The following ZRANB3 variants were observed in gnomAD, a reference collection of about 807,000 sequenced individuals.
ZRANB3 encodes the protein zinc finger RANBP2-type containing 3, also known as DNA annealing helicase and endonuclease ZRANB3.
In ZRANB3, 125 loss-of-function variants were observed where a neutral mutation model predicts 133.8. That is an observed-to-expected ratio of 0.93 (90% confidence interval 0.81 to 1.08). The LOEUF is 1.08. Ranked by LOEUF, ZRANB3 falls within the 50% of genes least tolerant of loss-of-function variation. The probability of loss-of-function intolerance (pLI) is 0.00; values close to 1 mark genes in which losing one functional copy is unlikely to be tolerated. For missense variants in ZRANB3, 1,229 were observed against 1,275.5 expected, an observed-to-expected ratio of 0.96 and a Z score of 0.56; for synonymous variants, 387 against 432.7, an observed-to-expected ratio of 0.89 and a Z score of 1.31.
chr2:135,239,194 G>A (rs1350278063), intron 12 of ZRANB3, among the ~76,000 whole-genome samples: 1 of 152,026 alleles, frequency 6.6e-6, no homozygotes, highest in Non-Finnish European at 1.5e-5. Context: ...ATATAAGAAA[G>A]AATTATAAAA....
chr2:135,277,681 T>C (rs1680905010), intron 8 of ZRANB3, among the ~76,000 whole-genome samples: 1 of 152,094 alleles, frequency 6.6e-6, no homozygotes, highest in African/African-American at 2.4e-5. Context: ...TCCAAGCACT[T>C]TGGGAAGCCA....
At position 135,217,088 on chromosome 2, in the gene ZRANB3, C is replaced by T. The variant is rs189317792; in HGVS notation, c.2495+377G>A. ...CCCTTGCTGCACAGCATCATACTCA[C>T]GCACAGCAGGGCAAAGCAGATGGGG... On this transcript the variant is annotated intron_variant, in intron 17 of 20. Transcript: ENST00000264159. Among the ~76,000 whole-genome samples, 91 of 152,304 alleles carry T rather than the reference C, an allele frequency of 6.0e-4. 9 individuals carry two copies. In the Middle Eastern group the frequency reaches 0.11, roughly 189 times the overall value.
intron 11 of ZRANB3, among the ~76,000 whole-genome samples, chr2:135,266,046 T>C (rs1204491009): frequency 6.6e-6 from 1 of 151,948 alleles, no homozygotes; most frequent in Admixed American, 6.6e-5. Context: ...CCATCTCTAC[T>C]AAAAATAGAA....
At chr2:135,488,033 T>C (rs935642790) in intron 2 of ZRANB3, among the ~76,000 whole-genome samples, 1 of 152,176 alleles carries the variant, frequency 6.6e-6, no homozygotes, top group Non-Finnish European at 1.5e-5. Context: ...ATGTATGATC[T>C]TTCCTTCTAC....
intron 2 of ZRANB3, among the ~76,000 whole-genome samples, chr2:135,408,978 A>T (rs1688179070): frequency 6.6e-6 from 1 of 152,200 alleles, no homozygotes; most frequent in Admixed American, 6.6e-5. Flanking sequence ...GTATAAAAAA[A>T]AAAGAAAAAG....
chr2:135,455,589 CTTT>C (rs929421233), intron 2 of ZRANB3, among the ~76,000 whole-genome samples: 10 of 126,472 alleles, frequency 7.9e-5, no homozygotes, highest in Admixed American at 4.8e-4. Flanking sequence ...TGATTTTTTT[CTTT>C]TTTTTTTTTT....
intron 3 of ZRANB3, among the ~76,000 whole-genome samples, chr2:135,366,684 A>G (rs1685953614): frequency 6.6e-6 from 1 of 152,138 alleles, no homozygotes; most frequent in Non-Finnish European, 1.5e-5. Context: ...AAGAAAAAGA[A>G]AGAGAAAACT....
intron 2 of ZRANB3, among the ~76,000 whole-genome samples, chr2:135,493,385 T>C (rs981109162): frequency 6.6e-6 from 1 of 150,750 alleles, no homozygotes; most frequent in Admixed American, 6.6e-5. Flanking sequence ...GGGAAAATAT[T>C]CACAAGATAC....
intron 15 of ZRANB3, among the ~76,000 whole-genome samples, chr2:135,222,748 A>G (rs1320735626): frequency 1.3e-5 from 2 of 152,028 alleles, no homozygotes; most frequent in Admixed American, 1.3e-4. Context: ...AATTATTTTA[A>G]ATAAAAAATG....
chr2:135,346,747 C>G (rs1309377039), intron 5 of ZRANB3, among the ~76,000 whole-genome samples: 1 of 151,992 alleles, frequency 6.6e-6, no homozygotes, highest in East Asian at 1.9e-4. Context: ...ACAGGACTGT[C>G]TCACTGTTAT....
chr2:135,422,477 CT>C (rs1379573126), intron 2 of ZRANB3, among the ~76,000 whole-genome samples: 1 of 144,010 alleles, frequency 6.9e-6, no homozygotes, highest in East Asian at 2.0e-4. Context: ...TGGTATCTTT[CT>C]TTAAAAAAGG....
chr2:135,342,619 T>C (rs1470564035), intron 6 of ZRANB3, among the ~76,000 whole-genome samples: 2 of 149,492 alleles, frequency 1.3e-5, no homozygotes, highest in Non-Finnish European at 2.9e-5. Context: ...TTTTTTCTTT[T>C]TTTTTAAGTA....
At chr2:135,328,842 T>C (rs971636666) in intron 6 of ZRANB3, among the ~76,000 whole-genome samples, 7 of 152,244 alleles carry the variant, frequency 4.6e-5, no homozygotes, top group African/African-American at 1.4e-4. Flanking sequence ...CATGTGTCTG[T>C]TGGCTGCGTA....
intron 14 of ZRANB3, among the ~76,000 whole-genome samples, chr2:135,225,785 G>A (rs1291297801): frequency 1.3e-5 from 2 of 152,196 alleles, no homozygotes; most frequent in Non-Finnish European, 2.9e-5. Context: ...TATTAAAGAA[G>A]CAAATGTGTA....
At chr2:135,349,953 T>C (rs1685124170) in intron 5 of ZRANB3, 31 bp downstream of exon 5, 1 of 1,599,424 alleles carries the variant, frequency 6.3e-7, no homozygotes, top group Middle Eastern at 1.7e-4. Flanking sequence ...CCTTCTCTTC[T>C]TTTAAGTTCG....
intron 8 of ZRANB3, among the ~76,000 whole-genome samples, chr2:135,303,172 CCTAACAGTATTTTT>C (rs1449633938): frequency 6.6e-6 from 1 of 151,962 alleles, no homozygotes; most frequent in Non-Finnish European, 1.5e-5. Context: ...TTTTCATTTT[CCTAACAGTATTTTT>C]CATACTACGT....
chr2:135,346,240 A>G (rs1046049914), intron 5 of ZRANB3, among the ~76,000 whole-genome samples: 6 of 151,828 alleles, frequency 4.0e-5, no homozygotes, highest in African/African-American at 1.2e-4. Flanking sequence ...TGGAGTACAG[A>G]CGCCCACCAC....
At chr2:135,521,231 C>G (rs974402776) in intron 1 of ZRANB3, among the ~76,000 whole-genome samples, 6 of 152,212 alleles carry the variant, frequency 3.9e-5, no homozygotes, top group African/African-American at 1.4e-4. Context: ...CTCTCCAAAT[C>G]ACTCACTCAA....
At chr2:135,331,836 G>A (rs1315061778) in intron 6 of ZRANB3, among the ~76,000 whole-genome samples, 1 of 151,800 alleles carries the variant, frequency 6.6e-6, no homozygotes, top group Non-Finnish European at 1.5e-5. Flanking sequence ...ATCTTTGTTG[G>A]TTTAAAGTCT....
Sources: gnomAD v4.1 joint callset for allele counts (sites outside exome capture counted in the v4.1 genomes callset) on GRCh38, gnomAD v4.1.1 for gene constraint, MANE v1.5 for transcripts, NCBI Gene and HGNC (gene_info 2026-07-23, HGNC 2026-07-21) for gene names.